GAP43: variants seen among roughly 807,000 people sequenced by gnomAD.
GAP43 encodes growth associated protein 43, also known as neuromodulin.
GAP43 carries 6 observed loss-of-function variants against 18.6 expected under a neutral mutation model. That is an observed-to-expected ratio of 0.32 (90% CI 0.18 to 0.64). The LOEUF (loss-of-function observed/expected upper bound fraction) is 0.64. GAP43 is among the 30% of genes least tolerant of loss of function. The pLI, the probability that GAP43 is intolerant of heterozygous loss-of-function variation, is 0.78. For missense variants in GAP43, 292 were observed against 295.5 expected (o/e 0.99, Z 0.09); for synonymous variants, 115 against 111.4 (o/e 1.03, Z -0.20).
intron 2 of GAP43, among the ~76,000 whole-genome samples, chr3:115,704,282 G>A (rs1709332831): frequency 6.6e-6 from 1 of 152,036 alleles, no homozygotes; most frequent in Non-Finnish European, 1.5e-5. Flanking sequence ...TCTTCCTCAG[G>A]ATAGTGCAAC....
chr3:115,680,320 G>A (rs1341175883), intron 2 of GAP43, among the ~76,000 whole-genome samples: 2 of 152,108 alleles, frequency 1.3e-5, no homozygotes, highest in African/African-American at 2.4e-5. Flanking sequence ...GCAGAGTGTG[G>A]TGGTGTGTGC....
intron 2 of GAP43, among the ~76,000 whole-genome samples, chr3:115,698,287 A>ATATATTATATATAAAATATATATAATAT: frequency 2.6e-5 from 1 of 37,862 alleles, no homozygotes; most frequent in Non-Finnish European, 5.0e-5. Flanking sequence ...ATATAAATAT[A>ATATATTATATATAAAATATATATAATAT]ATATATATAT....
intron 1 of GAP43, among the ~76,000 whole-genome samples, chr3:115,671,059 T>A (rs1708810047): frequency 6.6e-6 from 1 of 152,214 alleles, no homozygotes; most frequent in Admixed American, 6.5e-5. Context: ...GCTTGGAAGG[T>A]TGAGGCATTC....
intron 1 of GAP43, among the ~76,000 whole-genome samples, chr3:115,658,097 C>T (rs913676862): frequency 3.8e-4 from 58 of 152,176 alleles, no homozygotes; most frequent in Non-Finnish European, 1.2e-4. Flanking sequence ...AAACATACTG[C>T]ACACTACTTC....
At chr3:115,656,760 A>T (rs1272708961) in intron 1 of GAP43, among the ~76,000 whole-genome samples, 1 of 152,216 alleles carries the variant, frequency 6.6e-6, no homozygotes, top group African/African-American at 2.4e-5. Flanking sequence ...TAAACTTGAA[A>T]CATAAAAGGC....
chr3:115,695,115 C>A (rs1709167477), intron 2 of GAP43, among the ~76,000 whole-genome samples: 1 of 152,134 alleles, frequency 6.6e-6, no homozygotes, highest in African/African-American at 2.4e-5. Flanking sequence ...CACAGAAGTT[C>A]AATGTGATCA....
At chr3:115,679,108 G>A (rs140246290) in intron 2 of GAP43, among the ~76,000 whole-genome samples, 18 of 152,042 alleles carry the variant, frequency 1.2e-4, no homozygotes, top group East Asian at 7.7e-4. Flanking sequence ...TGTACTGTTC[G>A]GAAATGGGTG....
intron 1 of GAP43, among the ~76,000 whole-genome samples, chr3:115,629,828 A>G (rs1708240129): frequency 6.6e-6 from 1 of 152,200 alleles, no homozygotes; most frequent in South Asian, 2.1e-4. Flanking sequence ...AGGCTGTAGC[A>G]TATCTAAATG....
At chr3:115,714,094 C>A (rs891506553) in intron 2 of GAP43, among the ~76,000 whole-genome samples, 2 of 152,122 alleles carry the variant, frequency 1.3e-5, no homozygotes, top group Admixed American at 6.5e-5. Flanking sequence ...TTTGTGTTTT[C>A]ATGGCTGTGT....
chr3:115,631,869 C>T (rs1462822652), intron 1 of GAP43, among the ~76,000 whole-genome samples: 1 of 152,160 alleles, frequency 6.6e-6, no homozygotes, highest in African/African-American at 2.4e-5. Context: ...GATCCACCCA[C>T]CTCGGCCTCT....
intron 1 of GAP43, among the ~76,000 whole-genome samples, chr3:115,653,499 A>G (rs570670848): frequency 2.3e-4 from 35 of 152,196 alleles, no homozygotes; most frequent in Non-Finnish European, 4.6e-4. Flanking sequence ...GAGACTAGAA[A>G]AAGTTTTTGA....
intron 2 of GAP43, among the ~76,000 whole-genome samples, chr3:115,696,052 A>G (rs759433750): frequency 1.0e-4 from 15 of 150,486 alleles, no homozygotes; most frequent in African/African-American, 3.2e-4. Flanking sequence ...TCTCTTCTAC[A>G]TTCTCTCTCT....
intron 2 of GAP43, among the ~76,000 whole-genome samples, chr3:115,698,153 TATAATATATAAAATATATTAA>T (rs1709236228): frequency 1.7e-5 from 1 of 57,600 alleles, no homozygotes; most frequent in Admixed American, 3.6e-4. Context: ...ATATATTATA[TATAATATATAAAATATATTAA>T]ATAATATATA....
chr3:115,628,569 C>T (rs1485959499), intron 1 of GAP43, among the ~76,000 whole-genome samples: 1 of 152,104 alleles, frequency 6.6e-6, no homozygotes, highest in African/African-American at 2.4e-5. Context: ...CTTCATTTTA[C>T]ATCTTATTTG....
At chr3:115,708,508 TATAAG>T (rs1200431687) in intron 2 of GAP43, among the ~76,000 whole-genome samples, 1 of 152,124 alleles carries the variant, frequency 6.6e-6, no homozygotes, top group Non-Finnish European at 1.5e-5. Context: ...GGTGCAAACT[TATAAG>T]AGAGTGAGAG....
In GAP43 at chr3:115,714,097, G is replaced by A. The variant is rs191048472; in HGVS notation, c.629-6697G>A. Among the ~76,000 whole-genome samples the A allele has an allele frequency of 2.2e-4, 34 of 152,246 alleles. No homozygotes were observed. In the East Asian group the frequency reaches 5.8e-3, roughly 26 times the overall value. ...AGAGGTTTTTGCTTTGTGTTTTCAT[G>A]GCTGTGTCACCACTGCTATACTTGC... On this transcript the variant is annotated intron_variant, in intron 2 of 2. Coordinates refer to ENST00000305124, the MANE Select transcript of GAP43 (RefSeq NM_002045.4).
intron 2 of GAP43, among the ~76,000 whole-genome samples, chr3:115,694,392 C>T (rs1342659680): frequency 6.6e-6 from 1 of 152,198 alleles, no homozygotes; most frequent in Non-Finnish European, 1.5e-5. Flanking sequence ...CAACCTAATG[C>T]ATATTTGATA....
chr3:115,687,393 G>A (rs1362213780), intron 2 of GAP43, among the ~76,000 whole-genome samples: 2 of 151,386 alleles, frequency 1.3e-5, no homozygotes, highest in Non-Finnish European at 3.0e-5. Flanking sequence ...TTGTGTAGTC[G>A]CAGATAGGAC....
At position 115,679,558 on chromosome 3, in the gene GAP43, G is replaced by C. The variant is rs559995846; in HGVS notation, c.628+2948G>C. ...AGGAAGAGGAGTGTTCAAAACATCT[G>C]TGGGACACTGCCCCATTCAGTCATG... On this transcript the variant is annotated intron_variant, in intron 2 of 2. Coordinates refer to ENST00000305124, the MANE Select transcript of GAP43 (RefSeq NM_002045.4). Among the ~76,000 whole-genome samples the C allele has an allele frequency of 5.3e-5, 8 of 152,308 alleles. No individual in the cohort carries two copies. The East Asian group carries it at 1.5e-3, about 29-fold the overall frequency.
Sources: allele counts gnomAD v4.1 joint callset (sites outside exome capture counted in the v4.1 genomes callset), GRCh38; gene constraint gnomAD v4.1.1; transcripts MANE v1.5; gene names NCBI Gene and HGNC (gene_info 2026-07-23, HGNC 2026-07-21).